Variants in EDIL3 observed in about 807,000 individuals in gnomAD.
The protein encoded by EDIL3 is EGF-like repeat and discoidin I-like domain-containing protein 3.
EDIL3 carries 37 observed loss-of-function variants against 67.4 expected under a neutral mutation model. That is an observed-to-expected ratio of 0.55 (90% CI 0.42 to 0.72). The LOEUF (loss-of-function observed/expected upper bound fraction) is 0.72, where lower values mean the gene tolerates loss of function less well. Ranked by LOEUF, EDIL3 falls within the 30% of genes least tolerant of loss-of-function variation. EDIL3 has a pLI of 0.00. For synonymous variants in EDIL3, 195 were observed against 196.3 expected (o/e 0.99, Z 0.05); for missense variants, 527 against 586.3 (o/e 0.90, Z 1.04).
chr5:83,967,240 G>C (rs1333491320), intron 9 of EDIL3, among the ~76,000 whole-genome samples: 1 of 152,112 alleles, frequency 6.6e-6, no homozygotes, highest in Non-Finnish European at 1.5e-5. Flanking sequence ...AGGAGGGCTT[G>C]AGCCTGGGAG....
chr5:84,350,004 T>C (rs1747322771), intron 1 of EDIL3, among the ~76,000 whole-genome samples: 1 of 152,088 alleles, frequency 6.6e-6, no homozygotes, highest in African/African-American at 2.4e-5. Flanking sequence ...ATGAAGAAAC[T>C]GAGTTGCAGA....
intron 1 of EDIL3, among the ~76,000 whole-genome samples, chr5:84,368,928 T>G (rs866951259): frequency 4.0e-5 from 6 of 151,550 alleles, no homozygotes; most frequent in South Asian, 2.1e-4. Flanking sequence ...GAGATACCAT[T>G]TTACACTAAT....
chr5:84,336,593 G>A (rs1746990742), intron 1 of EDIL3, among the ~76,000 whole-genome samples: 1 of 152,060 alleles, frequency 6.6e-6, no homozygotes, highest in Non-Finnish European at 1.5e-5. Flanking sequence ...TTAGGAAAGG[G>A]CATCAGTATT....
chr5:84,235,120 AT>A (rs1376356081), intron 2 of EDIL3, among the ~76,000 whole-genome samples: 1 of 152,098 alleles, frequency 6.6e-6, no homozygotes, highest in Non-Finnish European at 1.5e-5. Flanking sequence ...GTTTGGGTTA[AT>A]TTGGTTTTTG....
chr5:84,254,282 T>G, intron 1 of EDIL3, 70 bp from the exon 2 acceptor site: 1 of 1,513,858 alleles, frequency 6.6e-7, no homozygotes. Flanking sequence ...ACTAGTTTAC[T>G]TTGCTATGGA....
intron 3 of EDIL3, among the ~76,000 whole-genome samples, chr5:84,183,209 C>T (rs558416781): frequency 1.3e-5 from 2 of 151,940 alleles, no homozygotes; most frequent in South Asian, 4.2e-4. Flanking sequence ...TTTTTAAATA[C>T]TGAAGGTCAG....
At chr5:84,111,590 A>T (rs1018215962) in intron 5 of EDIL3, among the ~76,000 whole-genome samples, 2 of 152,218 alleles carry the variant, frequency 1.3e-5, no homozygotes, top group African/African-American at 4.8e-5. Flanking sequence ...CTCTTAAAAG[A>T]TTCACATTCT....
intron 9 of EDIL3, among the ~76,000 whole-genome samples, chr5:84,053,577 A>C (rs1336984284): frequency 6.6e-6 from 1 of 152,216 alleles, no homozygotes; most frequent in Non-Finnish European, 1.5e-5. Flanking sequence ...CTAATAAAGA[A>C]GAAAAGAGAG....
chr5:84,058,133 T>C (rs1039075635), intron 9 of EDIL3, among the ~76,000 whole-genome samples: 1 of 152,070 alleles, frequency 6.6e-6, no homozygotes, highest in Non-Finnish European at 1.5e-5. Flanking sequence ...TCATTTCTTA[T>C]AGCAAGAGGA....
intron 9 of EDIL3, among the ~76,000 whole-genome samples, chr5:83,988,075 A>C (rs1745087376): frequency 6.6e-6 from 1 of 152,030 alleles, no homozygotes. Flanking sequence ...TCCCATTGCA[A>C]ATAACCTTCC....
chr5:84,132,389 T>A (rs28430942), intron 5 of EDIL3, among the ~76,000 whole-genome samples: 1 of 45,274 alleles, frequency 2.2e-5, no homozygotes, highest in Non-Finnish European at 4.1e-5. Flanking sequence ...ATAATATATT[T>A]TATATATAAT....
chr5:84,344,078 C>T (rs1428077967), intron 1 of EDIL3, among the ~76,000 whole-genome samples: 2 of 152,098 alleles, frequency 1.3e-5, no homozygotes, highest in East Asian at 3.9e-4. Context: ...AACACACAGT[C>T]GATGGTAGCA....
intron 9 of EDIL3, among the ~76,000 whole-genome samples, chr5:84,013,969 A>G (rs531150734): frequency 1.4e-4 from 21 of 152,272 alleles, no homozygotes; most frequent in African/African-American, 5.1e-4. Flanking sequence ...TTAATGGGAC[A>G]TGGTGCACCT....
chr5:84,249,059 C>T (rs1744969002), intron 2 of EDIL3, among the ~76,000 whole-genome samples: 1 of 152,070 alleles, frequency 6.6e-6, no homozygotes, highest in African/African-American at 2.4e-5. Flanking sequence ...CACTTGTCAC[C>T]ATCCTCAGAG....
chr5:84,116,175 T>G (rs1343922011), intron 5 of EDIL3, among the ~76,000 whole-genome samples: 1 of 138,306 alleles, frequency 7.2e-6, no homozygotes, highest in African/African-American at 2.7e-5. Flanking sequence ...GTATGAAATT[T>G]TAGTGTTCCA....
At chr5:84,207,124 C>A (rs544623354) in intron 3 of EDIL3, among the ~76,000 whole-genome samples, 72 of 152,306 alleles carry the variant, frequency 4.7e-4, no homozygotes, top group African/African-American at 1.7e-3. Flanking sequence ...TTGCAGATGA[C>A]ATGATTGTAT....
chr5:84,080,876 C>T (rs1315284420), intron 6 of EDIL3, among the ~76,000 whole-genome samples: 4 of 152,132 alleles, frequency 2.6e-5, no homozygotes, highest in Non-Finnish European at 5.9e-5. Flanking sequence ...ACTAACCAAA[C>T]ACTAGTTCTG....
chr5:84,366,439 T>C (rs886829249), intron 1 of EDIL3, among the ~76,000 whole-genome samples: 1 of 152,196 alleles, frequency 6.6e-6, no homozygotes, highest in Non-Finnish European at 1.5e-5. Context: ...AAAATGTGAC[T>C]CTTGAAACCT....
At chr5:84,269,737 C>A (rs978678633) in intron 1 of EDIL3, among the ~76,000 whole-genome samples, 2 of 152,136 alleles carry the variant, frequency 1.3e-5, no homozygotes, top group Admixed American at 1.3e-4. Context: ...TGGACATTAT[C>A]CCCAAAGTTA....
Sources: allele counts gnomAD v4.1 joint callset (sites outside exome capture counted in the v4.1 genomes callset), GRCh38; gene constraint gnomAD v4.1.1; transcripts MANE v1.5; gene names NCBI Gene and HGNC (gene_info 2026-07-23, HGNC 2026-07-21).